Variants in NALCN observed in about 807,000 individuals in gnomAD.
The protein encoded by NALCN is sodium leak channel, non-selective.
A neutral mutation model predicts 225.3 loss-of-function variants in NALCN; 111 were observed. The ratio of observed to expected loss-of-function variants is 0.49; its 90% CI spans 0.42 to 0.58. The LOEUF (loss-of-function observed/expected upper bound fraction) is 0.58. Among genes scored for constraint, NALCN ranks in the 20% least tolerant of loss-of-function variants. NALCN has a pLI of 0.00. For synonymous variants in NALCN, 764 were observed against 769.0 expected, an observed-to-expected ratio of 0.99 and a Z score of 0.11; for missense variants, 1,378 against 2,202.4, an observed-to-expected ratio of 0.63 and a Z score of 7.49.
intron 13 of NALCN, among the ~76,000 whole-genome samples, chr13:101,217,155 A>C (rs939430993): frequency 3.3e-5 from 5 of 152,178 alleles, no homozygotes; most frequent in Non-Finnish European, 5.9e-5. Context: ...ATGGAGGAAA[A>C]ACTGAGTAAA....
In NALCN at chr13:101,059,929, T is replaced by A; in HGVS notation, c.4794A>T (p.Arg1598Ser). The change falls in exon 42 of 44, where the codon AGA becomes AGT. Residue 1598 changes from arginine (R) to serine (S), a missense_variant. Around this residue, in one of 19 missense-constraint regions of NALCN, gnomAD observed 94 missense variants for 170.3 expected, o/e 0.55. Transcript: ENST00000251127. The stretch of plus-strand genomic sequence containing the variant: ...GGCTCAGCTCTTGCTGCTGACTCTC[T>A]CTCAGGCTGTGGATGATACTGCACG... Reference protein sequence around the residue: ...QQSCSIIHSLRESQQQELSRF... With the variant: ...QQSCSIIHSLSESQQQELSRF... 6.2e-7 allele frequency: 1 copy of A among 1,614,082 alleles called. No individual in the cohort carries two copies.
At chr13:101,060,490 T>C (rs1438782037) in intron 41 of NALCN, among the ~76,000 whole-genome samples, 4 of 125,020 alleles carry the variant, frequency 3.2e-5, no homozygotes, top group African/African-American at 5.7e-5. Flanking sequence ...GAGGTCTCAC[T>C]CTGTTGCCCA....
At chr13:101,386,558 A>T (rs957255842) in intron 3 of NALCN, among the ~76,000 whole-genome samples, 2 of 152,016 alleles carry the variant, frequency 1.3e-5, no homozygotes, top group Non-Finnish European at 2.9e-5. Context: ...TATCTTAAAT[A>T]TCTTAAACAT....
rs545869929 is a variant in NALCN, at chr13:101,367,923, C to G, written c.644+8777G>C. Among the ~76,000 whole-genome samples, 15 of 152,154 alleles carry G rather than the reference C, an allele frequency of 9.9e-5. No individual in the cohort carries two copies. In the South Asian group the frequency reaches 3.1e-3, roughly 32 times the overall value. On this transcript the variant is annotated intron_variant, in intron 6 of 43. Coordinates refer to ENST00000251127, the MANE Select transcript of NALCN (RefSeq NM_052867.4). ...TCTGCTTTCACGGTTTGTCTTTTCC[C>G]TATGATGCTCCTTTCACTTTGAATG...
intron 18 of NALCN, among the ~76,000 whole-genome samples, chr13:101,112,128 G>T (rs889030372): frequency 1.3e-5 from 2 of 151,124 alleles, no homozygotes; most frequent in African/African-American, 4.9e-5. Context: ...TACTTAACAC[G>T]ACTGAACTGT....
intron 7 of NALCN, among the ~76,000 whole-genome samples, chr13:101,300,746 A>T (rs995896874): frequency 6.6e-6 from 1 of 152,272 alleles, no homozygotes; most frequent in Non-Finnish European, 1.5e-5. Context: ...GAGGCTTGCC[A>T]CGTGGCATAT....
intron 43 of NALCN, chr13:101,056,961 ATCT>A: frequency 6.6e-6 from 1 of 152,282 alleles, no homozygotes; most frequent in African/African-American, 2.4e-5. Flanking sequence ...AGGAACCTAG[ATCT>A]TCTCTGATCT....
intron 13 of NALCN, among the ~76,000 whole-genome samples, chr13:101,225,184 T>TA (rs1227701373): frequency 2.0e-5 from 3 of 152,070 alleles, no homozygotes; most frequent in Non-Finnish European, 4.4e-5. Flanking sequence ...CCACCTGGAG[T>TA]AAAAAACCGC....
chr13:101,149,107 C>A (rs1215803711), intron 15 of NALCN, among the ~76,000 whole-genome samples: 2 of 152,226 alleles, frequency 1.3e-5, no homozygotes, highest in East Asian at 1.9e-4. Flanking sequence ...TCCTGGCTAA[C>A]ACGGTGAAAC....
At chr13:101,101,526 C>T (rs2034821338) in intron 26 of NALCN, among the ~76,000 whole-genome samples, 1 of 152,122 alleles carries the variant, frequency 6.6e-6, no homozygotes, top group Non-Finnish European at 1.5e-5. Flanking sequence ...GGCAATCCAC[C>T]CGCCTGGGCC....
intron 35 of NALCN, among the ~76,000 whole-genome samples, chr13:101,075,561 C>A (rs2033200519): frequency 6.6e-6 from 1 of 150,932 alleles, no homozygotes; most frequent in Non-Finnish European, 1.5e-5. Flanking sequence ...AATAAAAATG[C>A]ATTAAGAAAG....
chr13:101,126,942 A>G (rs1270587066), intron 17 of NALCN, among the ~76,000 whole-genome samples: 3 of 152,202 alleles, frequency 2.0e-5, no homozygotes, highest in African/African-American at 7.2e-5. Context: ...AAGAACACAC[A>G]TAGTCCTGAG....
At chr13:101,356,650 T>C (rs1005655043) in intron 6 of NALCN, among the ~76,000 whole-genome samples, 4 of 152,154 alleles carry the variant, frequency 2.6e-5, no homozygotes, top group African/African-American at 9.7e-5. Flanking sequence ...TCCAAAAGAA[T>C]TGAAAAGGAG....
intron 9 of NALCN, among the ~76,000 whole-genome samples, chr13:101,286,413 G>C (rs1322613231): frequency 6.6e-6 from 1 of 152,104 alleles, no homozygotes; most frequent in East Asian, 1.9e-4. Context: ...TCTTCTTCCT[G>C]CTCTCTGGGA....
At chr13:101,113,533 T>C (rs2035553065) in intron 18 of NALCN, among the ~76,000 whole-genome samples, 1 of 152,224 alleles carries the variant, frequency 6.6e-6, no homozygotes, top group African/African-American at 2.4e-5. Flanking sequence ...AGGTTACATA[T>C]ACTCTAATCC....
In NALCN at chr13:101,301,178, C is replaced by T. The variant is rs149244539; in HGVS notation, c.800-8812G>A. Among the ~76,000 whole-genome samples the T allele has an allele frequency of 3.6e-4, 55 of 152,250 alleles. 2 individuals carry two copies. In the East Asian group the frequency reaches 8.5e-3, roughly 24 times the overall value. ...AAATGGAAAAGAAGTGTTGACAAGC[C>T]GGATGCTGACATTGGCAGGAAAGTG... On this transcript the variant is annotated intron_variant, in intron 7 of 43. Transcript: ENST00000251127.
chr13:101,219,041 A>C (rs1184234214), intron 13 of NALCN, among the ~76,000 whole-genome samples: 1 of 152,062 alleles, frequency 6.6e-6, no homozygotes, highest in Non-Finnish European at 1.5e-5. Context: ...CTTCATTTTA[A>C]CTTGATTACC....
chr13:101,397,486 T>C (rs1178327963), intron 2 of NALCN, among the ~76,000 whole-genome samples: 1 of 151,122 alleles, frequency 6.6e-6, no homozygotes, highest in Non-Finnish European at 1.5e-5. Context: ...ATATAATATA[T>C]ATGTATATGC....
At chr13:101,225,894 A>AT (rs2041122965) in intron 13 of NALCN, among the ~76,000 whole-genome samples, 1 of 152,116 alleles carries the variant, frequency 6.6e-6, no homozygotes, top group Non-Finnish European at 1.5e-5. Flanking sequence ...TTTTTCAAAG[A>AT]TTTTTTAACT....
Sources: allele counts gnomAD v4.1 joint callset (sites outside exome capture counted in the v4.1 genomes callset), GRCh38; gene constraint gnomAD v4.1.1; regional missense constraint gnomAD v4.1.1; transcripts MANE v1.5; gene names NCBI Gene and HGNC (gene_info 2026-07-23, HGNC 2026-07-21).